Variants in TSBP1 observed in about 807,000 individuals in gnomAD.
TSBP1 encodes testis expressed basic protein 1.
Under a neutral mutation model 68.8 loss-of-function variants are expected in TSBP1, and 56 were observed. The ratio of observed to expected loss-of-function variants is 0.81; its 90% CI spans 0.66 to 1.02. The LOEUF (loss-of-function observed/expected upper bound fraction) is 1.02. Among genes scored for constraint, TSBP1 ranks in the 50% least tolerant of loss-of-function variants. TSBP1 has a pLI of 0.00. For synonymous variants in TSBP1, 171 were observed against 208.7 expected, an observed-to-expected ratio of 0.82 and a Z score of 1.56; for missense variants, 502 against 641.2, an observed-to-expected ratio of 0.78 and a Z score of 2.34.
In TSBP1 at chr6:32,293,421, A is replaced by T; in HGVS notation, c.1252T>A (p.Leu418Met). Reference sequence around the variant, plus strand: ...CCTTCTTGTCCTTTTGGTACCTTCAACTCACTCTTCTCTACCTGGGCTTCC... The same window carrying T: ...CCTTCTTGTCCTTTTGGTACCTTCATCTCACTCTTCTCTACCTGGGCTTCC... Residue 418 changes from leucine to methionine, a missense_variant, in exon 23 of 23, where the codon TTG becomes ATG. Coordinates refer to ENST00000612031, the Ensembl canonical transcript of TSBP1. 1.9e-6 allele frequency: 3 copies of T among 1,611,376 alleles called. No individual in the cohort carries two copies. The African/African-American group carries it at 4.0e-5, about 22-fold the overall frequency.
At chr6:32,348,162 T>C (rs1771279994) in intron 9 of TSBP1, among the ~76,000 whole-genome samples, 1 of 152,236 alleles carries the variant, frequency 6.6e-6, no homozygotes, top group Non-Finnish European at 1.5e-5. Flanking sequence ...GTGCTCTAAA[T>C]GATTTCCCCT....
intron 14 of TSBP1, among the ~76,000 whole-genome samples, chr6:32,332,594 C>CTGTTTTTTTT (rs1395064650): frequency 6.7e-6 from 1 of 149,292 alleles, no homozygotes; most frequent in Non-Finnish European, 1.5e-5. Flanking sequence ...ACAAAACCTT[C>CTGTTTTTTTT]TGTTTTTTTT....
In TSBP1 at chr6:32,361,675, CTTTT is replaced by C. The variant is rs1340920491; in HGVS notation, c.217+4488_217+4491del. On this transcript the variant is annotated intron_variant, in intron 6 of 22. Transcript: ENST00000612031. The surrounding 1 kb of genome is among the most constrained non-coding windows in gnomAD (Gnocchi z 4.3). The stretch of plus-strand genomic sequence containing the variant: ...TGTCTGTTGGCTGCGTAAATGTCTT[CTTTT>C]AAGAATTGTCTGTTCATGGACTAAG... Among the ~76,000 whole-genome samples the C allele has an allele frequency of 6.6e-6, 1 of 152,048 alleles. No individual in the cohort carries two copies. The highest frequency in any genetic ancestry group is 2.4e-5 in the African/African-American group (1 of 41,408).
rs1008575113 is a variant in TSBP1, at chr6:32,337,621, C to T, written c.410-986G>A. Among the ~76,000 whole-genome samples, 5 of 152,074 alleles carry T rather than the reference C, an allele frequency of 3.3e-5. No homozygotes were observed. The highest frequency in any genetic ancestry group is 2.6e-4 in the Admixed American group (4 of 15,244). ...GGCAAAGGAATTGAGACACTAGACC[C>T]ACATACTTGTTAATAATGCAGTAAC... On this transcript the variant is annotated intron_variant, in intron 11 of 22. Coordinates refer to ENST00000612031, the Ensembl canonical transcript of TSBP1. This position sits in a 1 kb window ranked among gnomAD's most constrained non-coding sequence, Gnocchi z 5.5.
chr6:32,326,663 T>C (rs1028589368), intron 16 of TSBP1, among the ~76,000 whole-genome samples: 4 of 152,196 alleles, frequency 2.6e-5, no homozygotes, highest in Non-Finnish European at 5.9e-5. Flanking sequence ...TACAAGAGGA[T>C]CCTGTAGCTG....
intron 16 of TSBP1, chr6:32,326,042 T>G: frequency 3.3e-6 from 5 of 1,496,314 alleles, no homozygotes; most frequent in Non-Finnish European, 4.6e-6. Flanking sequence ...TTTGGACCCA[T>G]GAAGGGAGGA....
chr6:32,355,184 A>G (rs763383214), intron 7 of TSBP1, 40 bp from the exon 8 acceptor site: 1 of 1,603,918 alleles, frequency 6.2e-7, no homozygotes, highest in South Asian at 1.1e-5. Context: ...GAATCATGAG[A>G]GTTTGGATCC....
At position 32,293,978 on chromosome 6, in the gene TSBP1, T is replaced by C. The variant is rs145900218; in HGVS notation, c.695A>G (p.Gln232Arg). The change falls in exon 23 of 23, where the codon CAG becomes CGG. Residue 232 changes from glutamine (Q) to arginine (R), a missense_variant. Transcript: ENST00000612031. ...TGCAGTGCCTCCACATTTTAGAATC[T>C]GGATTTTGGAACAAGATTTTTTTGC... 1,139 of 1,612,404 alleles carry C rather than the reference T, an allele frequency of 7.1e-4. 1 individual carries two copies. The highest frequency in any genetic ancestry group is 9.0e-4 in the Non-Finnish European group (1,061 of 1,179,962).
At chr6:32,326,859 T>C (rs751484935) in intron 16 of TSBP1, among the ~76,000 whole-genome samples, 13 of 151,976 alleles carry the variant, frequency 8.6e-5, no homozygotes, top group Middle Eastern at 3.4e-3. Context: ...TTCTGCTTAG[T>C]ATAGGAGGCT....
chr6:32,347,812 C>A (rs1437151200), intron 9 of TSBP1, among the ~76,000 whole-genome samples: 1 of 152,198 alleles, frequency 6.6e-6, no homozygotes, highest in African/African-American at 2.4e-5. Context: ...TCTTCTTCCC[C>A]TCTCAGGAAC....
intron 8 of TSBP1, among the ~76,000 whole-genome samples, chr6:32,351,479 C>T (rs971402769): frequency 5.9e-5 from 9 of 151,790 alleles, no homozygotes; most frequent in Non-Finnish European, 8.8e-5. Context: ...TTTTAAGATC[C>T]GGGGCTAACT....
intron 16 of TSBP1, among the ~76,000 whole-genome samples, chr6:32,329,607 C>A (rs1051560931): frequency 3.9e-5 from 6 of 152,096 alleles, no homozygotes; most frequent in Non-Finnish European, 7.3e-5. Flanking sequence ...TTTGTTTTCC[C>A]AAGTTATCTT....
intron 6 of TSBP1, among the ~76,000 whole-genome samples, chr6:32,360,609 T>C (rs1165905358): frequency 6.6e-6 from 1 of 152,226 alleles, no homozygotes; most frequent in Non-Finnish European, 1.5e-5. Context: ...TTTTAATTTA[T>C]TGGAGGAACC....
chr6:32,371,635 A>G, intron 1 of TSBP1, 59 bp downstream of exon 1: 1 of 1,247,466 alleles, frequency 8.0e-7, no homozygotes, highest in Non-Finnish European at 1.2e-6. Flanking sequence ...TAAGTCCCTA[A>G]GAGGAGACTC....
chr6:32,366,364 T>G, intron 4 of TSBP1, 62 bp from the exon 5 acceptor site: 1 of 1,451,790 alleles, frequency 6.9e-7, no homozygotes, highest in East Asian at 2.3e-5. Context: ...ATATTATTTT[T>G]TGTTAGATAG....
In TSBP1 at chr6:32,314,263, C is replaced by T. The variant is rs181142031; in HGVS notation, c.580+1509G>A. ...ATAAACCCTAGTTACTTTGGCATTCCTTTTTTCTTTCTCCCTACCCCTCGG... is the reference window on the plus strand; with the variant it reads ...ATAAACCCTAGTTACTTTGGCATTCTTTTTTTCTTTCTCCCTACCCCTCGG... On this transcript the variant is annotated intron_variant, in intron 19 of 22. Coordinates refer to ENST00000612031, the Ensembl canonical transcript of TSBP1. The surrounding 1 kb of genome is among the most constrained non-coding windows in gnomAD (Gnocchi z 4.2). Among the ~76,000 whole-genome samples the T allele has an allele frequency of 5.9e-3, 902 of 152,214 alleles. 10 individuals carry two copies. Among genetic ancestry groups the T allele is most frequent in the East Asian group, 0.036 (184 of 5,180 alleles).
chr6:32,325,031 AT>A lies in TSBP1; in HGVS notation c.515-1418del, dbSNP rs1007172188. On this transcript the variant is annotated intron_variant, in intron 16 of 22. Transcript: ENST00000612031. The surrounding 1 kb of genome is among the most constrained non-coding windows in gnomAD (Gnocchi z 4.4). The stretch of plus-strand genomic sequence containing the variant: ...AATGGATCTATATCATTTTTCTGTC[AT>A]TTTTTTTCCTTCTGCATGGAAAGTT... 1.3e-5 allele frequency among the ~76,000 whole-genome samples: 2 copies of A among 151,546 alleles called. No homozygotes were observed. The highest frequency in any genetic ancestry group is 1.9e-4 in the East Asian group (1 of 5,190).
chr6:32,308,212 CT>C (rs1765964104), intron 19 of TSBP1, among the ~76,000 whole-genome samples: 1 of 151,806 alleles, frequency 6.6e-6, no homozygotes, highest in Non-Finnish European at 1.5e-5. Flanking sequence ...AAATTTAATT[CT>C]TTTAATTACA....
chr6:32,333,551 T>C lies in TSBP1; in HGVS notation c.473-1497A>G, dbSNP rs1769301681. Among the ~76,000 whole-genome samples, 1 of 151,910 alleles carries C rather than the reference T, an allele frequency of 6.6e-6. No homozygotes were observed. Among genetic ancestry groups the C allele is most frequent in the African/African-American group, 2.4e-5 (1 of 41,410 alleles). On this transcript the variant is annotated intron_variant, in intron 14 of 22. Transcript: ENST00000612031. This position sits in a 1 kb window ranked among gnomAD's most constrained non-coding sequence, Gnocchi z 4.2. ...AAGCTAGGTCAGCTCCCAACTCAAC[T>C]GACAGAAGGCCAAACAGAATAGGTC...
Sources: allele counts gnomAD v4.1 joint callset (sites outside exome capture counted in the v4.1 genomes callset), GRCh38; gene constraint gnomAD v4.1.1; non-coding constraint Gnocchi (gnomAD v3.1); transcripts MANE v1.5; gene names NCBI Gene and HGNC (gene_info 2026-07-23, HGNC 2026-07-21).